Variants in EXT2 observed in about 807,000 individuals in gnomAD.
The protein encoded by EXT2 is exostosin-2.
EXT2 carries 53 observed loss-of-function variants against 81.6 expected under a neutral mutation model. The ratio of observed to expected loss-of-function variants is 0.65; its 90% CI spans 0.52 to 0.82. EXT2 has a LOEUF of 0.82. EXT2 is among the 40% of genes least tolerant of loss of function. EXT2 has a pLI of 0.00. For missense variants in EXT2, 774 were observed against 910.2 expected, an observed-to-expected ratio of 0.85 and a Z score of 1.93; for synonymous variants, 320 against 340.0, an observed-to-expected ratio of 0.94 and a Z score of 0.65.
chr11:44,239,544 C>A (rs1475127072), intron 13 of EXT2, among the ~76,000 whole-genome samples: 3 of 151,874 alleles, frequency 2.0e-5, no homozygotes, highest in South Asian at 2.1e-4. Flanking sequence ...AGGCACGTGG[C>A]ACCGTGCCCG....
chr11:44,221,185 A>C (rs1251614650), intron 10 of EXT2, among the ~76,000 whole-genome samples: 2 of 152,066 alleles, frequency 1.3e-5, no homozygotes, highest in South Asian at 2.1e-4. Flanking sequence ...CCCCATTCCA[A>C]ATAAGCCCAT....
intron 7 of EXT2, among the ~76,000 whole-genome samples, chr11:44,136,122 G>C (rs1339804848): frequency 6.6e-6 from 1 of 152,192 alleles, no homozygotes; most frequent in Admixed American, 6.5e-5. Flanking sequence ...TAAACCCTCA[G>C]ATGTCTAGAA....
At chr11:44,215,549 A>G (rs1467412274) in intron 10 of EXT2, among the ~76,000 whole-genome samples, 1 of 152,248 alleles carries the variant, frequency 6.6e-6, no homozygotes, top group Non-Finnish European at 1.5e-5. Flanking sequence ...GTGATTAAAA[A>G]GAGGGCGCAT....
intron 7 of EXT2, among the ~76,000 whole-genome samples, chr11:44,148,884 A>AGG (rs1954756091): frequency 6.6e-6 from 1 of 152,198 alleles, no homozygotes; most frequent in Non-Finnish European, 1.5e-5. Flanking sequence ...GTGAGCATTA[A>AGG]GTTCACTTTT....
intron 3 of EXT2, among the ~76,000 whole-genome samples, chr11:44,110,535 A>G (rs1302451489): frequency 6.6e-6 from 1 of 152,176 alleles, no homozygotes; most frequent in Non-Finnish European, 1.5e-5. Flanking sequence ...GGGAAGTGAA[A>G]TAACTTTGGA....
At chr11:44,147,712 C>T (rs1460667701) in intron 7 of EXT2, among the ~76,000 whole-genome samples, 1 of 116,088 alleles carries the variant, frequency 8.6e-6, no homozygotes, top group Non-Finnish European at 1.8e-5. Flanking sequence ...AGGCGCCTGC[C>T]ACCACCCCCA....
chr11:44,182,227 A>C (rs1248815189), intron 8 of EXT2, among the ~76,000 whole-genome samples: 1 of 151,946 alleles, frequency 6.6e-6, no homozygotes, highest in African/African-American at 2.4e-5. Context: ...TTTTTTCTAG[A>C]ATATAAACCT....
chr11:44,103,236 G>A (rs766646739), intron 1 of EXT2, among the ~76,000 whole-genome samples: 28 of 151,714 alleles, frequency 1.8e-4, no homozygotes, highest in Non-Finnish European at 3.4e-4. Context: ...ATATATCTAG[G>A]TAGCATTTTC....
intron 8 of EXT2, among the ~76,000 whole-genome samples, chr11:44,193,815 C>G (rs1955423015): frequency 6.6e-6 from 1 of 152,194 alleles, no homozygotes; most frequent in South Asian, 2.1e-4. Flanking sequence ...CCCTGCTTCT[C>G]CAGTACTCAA....
intron 7 of EXT2, among the ~76,000 whole-genome samples, chr11:44,139,969 G>A (rs1331285196): frequency 6.6e-6 from 1 of 152,220 alleles, no homozygotes; most frequent in East Asian, 1.9e-4. Flanking sequence ...GGGCAGTGGT[G>A]CAGAGGTGAA....
intron 10 of EXT2, among the ~76,000 whole-genome samples, chr11:44,227,934 A>G (rs903053438): frequency 1.3e-5 from 2 of 152,226 alleles, no homozygotes; most frequent in African/African-American, 4.8e-5. Flanking sequence ...ATGGAAGCCT[A>G]TGAATGCTTA....
Position 44,206,841 on chromosome 11 carries a change from C to A in EXT2, c.1544C>A (p.Ala515Asp). 1 of 1,614,078 alleles carries A rather than the reference C, an allele frequency of 6.2e-7. No homozygotes were observed. The highest frequency in any genetic ancestry group is 8.5e-7 in the Non-Finnish European group (1 of 1,179,994). ...IRVPLKVVRT[A>D]ENKLSNRFFP... ...GTTCCATTAAAAGTTGTGAGGACTG[C>A]TGAAAACAAGTTAAGTAACCGTTTC... The change falls in exon 10 of 14, where the codon GCT becomes GAT. Residue 515 changes from alanine (A) to aspartate (D), a missense_variant. Physicochemically the swap from Ala to Asp is moderately radical, Grantham distance 126 (BLOSUM62 -2). Around this residue, in one of 2 missense-constraint regions of EXT2, gnomAD observed 626 missense variants for 670.5 expected, o/e 0.93. Coordinates refer to ENST00000533608, the MANE Select transcript of EXT2 (RefSeq NM_207122.2).
chr11:44,147,764 C>T (rs1483073511), intron 7 of EXT2, among the ~76,000 whole-genome samples: 7 of 126,376 alleles, frequency 5.5e-5, no homozygotes, highest in African/African-American at 2.2e-4. Flanking sequence ...CCCCCTTGTA[C>T]TCCACATTGT....
chr11:44,226,849 A>G (rs1337291595), intron 10 of EXT2, among the ~76,000 whole-genome samples: 1 of 152,258 alleles, frequency 6.6e-6, no homozygotes, highest in Non-Finnish European at 1.5e-5. Context: ...TTGCACTTTA[A>G]TGGTTAAGGA....
chr11:44,121,283 G>A (rs1954312428), intron 4 of EXT2, among the ~76,000 whole-genome samples: 1 of 152,190 alleles, frequency 6.6e-6, no homozygotes, highest in South Asian at 2.1e-4. Flanking sequence ...TTTCTCATCA[G>A]TGAAATCTAA....
chr11:44,157,185 T>C (rs1954866427), intron 7 of EXT2, among the ~76,000 whole-genome samples: 1 of 152,200 alleles, frequency 6.6e-6, no homozygotes. Flanking sequence ...AGATCCAAAG[T>C]GAGCACAGCA....
In EXT2 at chr11:44,102,628, A is replaced by G. The variant is rs568517940; in HGVS notation, c.-30-5055A>G. 5.3e-5 allele frequency among the ~76,000 whole-genome samples: 8 copies of G among 150,548 alleles called. No individual in the cohort carries two copies. In the East Asian group the frequency reaches 1.6e-3, roughly 29 times the overall value. On this transcript the variant is annotated intron_variant, in intron 1 of 13. Transcript: ENST00000533608. ...GCAAAATATGATACTTAAGACTAACATAGTGAGTGTCAGCTCCCTCTTCCT... is the reference window on the plus strand; with the variant it reads ...GCAAAATATGATACTTAAGACTAACGTAGTGAGTGTCAGCTCCCTCTTCCT...
chr11:44,158,650 G>T (rs1954888920), intron 7 of EXT2, among the ~76,000 whole-genome samples: 2 of 150,958 alleles, frequency 1.3e-5, no homozygotes, highest in Non-Finnish European at 3.0e-5. Flanking sequence ...TTAATAAAAA[G>T]AAAGAATTTT....
chr11:44,104,623 G>A (rs560796611), intron 1 of EXT2: 1 of 152,286 alleles, frequency 6.6e-6, no homozygotes, highest in African/African-American at 2.4e-5. Flanking sequence ...TCAGGTGTTG[G>A]GGAACCACTG....
Sources: allele counts gnomAD v4.1 joint callset (sites outside exome capture counted in the v4.1 genomes callset), GRCh38; gene constraint gnomAD v4.1.1; regional missense constraint gnomAD v4.1.1; transcripts MANE v1.5; gene names NCBI Gene and HGNC (gene_info 2026-07-23, HGNC 2026-07-21).